The following SPRYD4 variants were observed in gnomAD, a reference collection of about 807,000 sequenced individuals.
SPRYD4 encodes SPRY domain containing 4, also known as SPRY domain-containing protein 4.
A neutral mutation model predicts 16.6 loss-of-function variants in SPRYD4; 12 were observed. The ratio of observed to expected loss-of-function variants is 0.72; its 90% confidence interval spans 0.46 to 1.17. The LOEUF (loss-of-function observed/expected upper bound fraction) is 1.17, where lower values mean the gene tolerates loss of function less well. SPRYD4 is among the 50% of genes most tolerant of loss of function. The pLI is 0.00. For missense variants in SPRYD4, 260 were observed against 260.2 expected, an observed-to-expected ratio of 1.00 and a Z score of 0.00; for synonymous variants, 98 against 105.4, an observed-to-expected ratio of 0.93 and a Z score of 0.43.
At position 56,472,184 on chromosome 12, in the gene SPRYD4, GAC is replaced by G; in HGVS notation, c.*2609_*2610del. On this transcript the variant is annotated 3_prime_UTR_variant, in exon 2 of 2. Coordinates refer to ENST00000338146, the MANE Select transcript of SPRYD4 (RefSeq NM_207344.4). The stretch of plus-strand genomic sequence containing the variant: ...GTCTTTCTGTTCCATATCCATGGCT[GAC>G]AAGGCAAACCTGAGGGTAGTGGGAA... 1 of 1,614,142 alleles carries G rather than the reference GAC, an allele frequency of 6.2e-7. No individual in the cohort carries two copies. The highest frequency in any genetic ancestry group is 1.3e-5 in the African/African-American group (1 of 75,046).
In SPRYD4 at chr12:56,474,092, C is replaced by CTTTT. The variant is rs67377312; in HGVS notation, c.*4519_*4522dup. 2.0e-5 allele frequency: 2 copies of CTTTT among 98,938 alleles called. No homozygotes were observed. Among genetic ancestry groups the CTTTT allele is most frequent in the Non-Finnish European group, 4.4e-5 (2 of 45,386 alleles). The allele number at this position is 98,938 out of a possible 1,614,324, so 6.1% of individuals were successfully genotyped here. On this transcript the variant is annotated 3_prime_UTR_variant, in exon 2 of 2. Transcript: ENST00000338146. Reference sequence around the variant, plus strand: ...AACACCTCTGGTTGTTTTTCTTTTTCTTTTTTTCTTTTTTTTTGAGATGGA... The same window carrying CTTTT: ...AACACCTCTGGTTGTTTTTCTTTTTCTTTTTTTTTTTCTTTTTTTTTGAGATGGA...
At position 56,473,768 on chromosome 12, in the gene SPRYD4, A is replaced by G. The variant is rs1156883461; in HGVS notation, c.*4191A>G. On this transcript the variant is annotated 3_prime_UTR_variant, in exon 2 of 2. Coordinates refer to ENST00000338146, the MANE Select transcript of SPRYD4 (RefSeq NM_207344.4). Reference sequence around the variant, plus strand: ...TACTCCTGTCCTTTCCTTCCCTTAAATTCATTGATTCAGCTAGAAAATATT... The same window carrying G: ...TACTCCTGTCCTTTCCTTCCCTTAAGTTCATTGATTCAGCTAGAAAATATT... 2.9e-6 allele frequency: 2 copies of G among 686,484 alleles called. No homozygotes were observed. Among genetic ancestry groups the G allele is most frequent in the East Asian group, 3.0e-5 (1 of 33,700 alleles). The allele number at this position is 686,484 out of a possible 1,614,324, so 42.5% of individuals were successfully genotyped here. A position where few individuals can be genotyped will look rare whatever the true frequency, so the allele number is the denominator to read the frequency against.
rs1009818212 is a variant in SPRYD4, at chr12:56,472,519, G to A, written c.*2942G>A. 6 of 635,418 alleles carry A rather than the reference G, an allele frequency of 9.4e-6. No individual in the cohort carries two copies. Among genetic ancestry groups the A allele is most frequent in the African/African-American group, 3.7e-5 (2 of 54,264 alleles). The allele number at this position is 635,418 out of a possible 1,614,324, so 39.4% of individuals were successfully genotyped here. On this transcript the variant is annotated 3_prime_UTR_variant, in exon 2 of 2. Transcript: ENST00000338146. ...AACATTAATTATCATAGAGCAGACAGTTTACTTTTTTTAAAAAAAATCTCC... is the reference window on the plus strand; with the variant it reads ...AACATTAATTATCATAGAGCAGACAATTTACTTTTTTTAAAAAAAATCTCC...
In SPRYD4 at chr12:56,477,636, T is replaced by A; in HGVS notation, c.*8059T>A. 3.7e-6 allele frequency: 6 copies of A among 1,606,520 alleles called. No individual in the cohort carries two copies. The highest frequency in any genetic ancestry group is 5.1e-6 in the Non-Finnish European group (6 of 1,175,114). On this transcript the variant is annotated 3_prime_UTR_variant, in exon 2 of 2. Coordinates refer to ENST00000338146, the MANE Select transcript of SPRYD4 (RefSeq NM_207344.4). Reference sequence around the variant, plus strand: ...ACAGGAGCTTAGAGGATAATACCTATCAGAAGGTTAAGGTGGCACTGACCT... The same window carrying A: ...ACAGGAGCTTAGAGGATAATACCTAACAGAAGGTTAAGGTGGCACTGACCT...
rs768421186 is a variant in SPRYD4 at position 56,468,628 on chromosome 12, C to A, written c.37C>A (p.Arg13Ser). The part of the protein sequence containing the change: ...LLFARSLRLC[R>S]WGAKRLGVAS... ...TTTTGCACGTTCTTTGCGCTTGTGC[C>A]GCTGGGGAGCCAAACGATTGGGAGT... Residue 13 changes from arginine (R) to serine (S), a missense_variant, in exon 1 of 2, where the codon CGC (arginine) becomes AGC (serine). By Grantham distance (110) the Arg-to-Ser change is moderately radical (BLOSUM62 -1). Transcript: ENST00000338146. 30 of 1,613,900 alleles carry A rather than the reference C, an allele frequency of 1.9e-5. No individual in the cohort carries two copies. Among genetic ancestry groups the A allele is most frequent in the Non-Finnish European group, 2.4e-5 (28 of 1,180,004 alleles).
chr12:56,469,175 G>A lies in SPRYD4; in HGVS notation c.222G>A (p.Trp74Ter). ...TGAATGTGGAGCGCTTCCGGGAGTG[G>A]GCAGTGGTGCTGGCAGACACAGCGG... ...VALNVERFRE[W>*]AVVLADTAVT... Residue 74 changes from tryptophan to a stop codon, truncating the protein, a stop_gained, in exon 2 of 2, where the codon TGG (tryptophan) becomes TGA (stop). Transcript: ENST00000338146. LOFTEE classifies it high-confidence loss of function. 1.9e-6 allele frequency: 3 copies of A among 1,614,174 alleles called. No individual in the cohort carries two copies. The highest frequency in any genetic ancestry group is 2.2e-5 in the South Asian group (2 of 91,082).
rs150308248 is a variant in SPRYD4, at chr12:56,472,365, C to T, written c.*2788C>T. On this transcript the variant is annotated 3_prime_UTR_variant, in exon 2 of 2. Transcript: ENST00000338146. ...TCCATATCCAGATGAGACTGTTATA[C>T]TCATATTAGAGAGATGGGAATGTGA... 3.2e-6 allele frequency: 2 copies of T among 629,088 alleles called. No individual in the cohort carries two copies. The highest frequency in any genetic ancestry group is 1.8e-5 in the African/African-American group (1 of 54,536). 39.0% of individuals were successfully genotyped at this position (629,088 alleles called of 1,614,324 possible).
chr12:56,471,252 C>T lies in SPRYD4; in HGVS notation c.*1675C>T. ...CAAGCCATTAGGCTGTACCTTGAAG[C>T]CCAGTCTCTCTGGATAGCTGTACTG... is the stretch of plus-strand genomic sequence containing the variant. On this transcript the variant is annotated 3_prime_UTR_variant, in exon 2 of 2. Transcript: ENST00000338146. The T allele has an allele frequency of 2.0e-6, 1 of 493,968 alleles. No individual in the cohort carries two copies. Among genetic ancestry groups the T allele is most frequent in the Non-Finnish European group, 3.5e-6 (1 of 282,920 alleles). 30.6% of individuals were successfully genotyped at this position (493,968 alleles called of 1,614,324 possible).
rs1170612729 is a variant in SPRYD4 at position 56,473,026 on chromosome 12, A to G, written c.*3449A>G. On this transcript the variant is annotated 3_prime_UTR_variant, in exon 2 of 2. Coordinates refer to ENST00000338146, the MANE Select transcript of SPRYD4 (RefSeq NM_207344.4). ...TGCCTCAGCCTCCCAAGTAGCTGGG[A>G]CCACAGGCGCGTGCCACCACGTCTG... 2 of 599,256 alleles carry G rather than the reference A, an allele frequency of 3.3e-6. No individual in the cohort carries two copies. Among genetic ancestry groups the G allele is most frequent in the Non-Finnish European group, 5.7e-6 (2 of 347,874 alleles). 37.1% of individuals were successfully genotyped at this position (599,256 alleles called of 1,614,324 possible). A position where few individuals can be genotyped will look rare whatever the true frequency, so the allele number is the denominator to read the frequency against.
At position 56,474,483 on chromosome 12, in the gene SPRYD4, C is replaced by A; in HGVS notation, c.*4906C>A. 1.9e-6 allele frequency: 3 copies of A among 1,585,290 alleles called. No individual in the cohort carries two copies. Among genetic ancestry groups the A allele is most frequent in the Non-Finnish European group, 2.6e-6 (3 of 1,160,816 alleles). On this transcript the variant is annotated 3_prime_UTR_variant, in exon 2 of 2. Transcript: ENST00000338146. Reference sequence around the variant, plus strand: ...GCTTCCACCTCTATCTTGAGAGAGTCAGTGTTCTCTCTTCTTAGCACTGGG... The same window carrying A: ...GCTTCCACCTCTATCTTGAGAGAGTAAGTGTTCTCTCTTCTTAGCACTGGG...
rs904557965 is a variant in SPRYD4, at chr12:56,472,463, A to G, written c.*2886A>G. 1.6e-6 allele frequency: 1 copy of G among 606,174 alleles called. No homozygotes were observed. Among genetic ancestry groups the G allele is most frequent in the African/African-American group, 1.8e-5 (1 of 54,120 alleles). 37.5% of individuals were successfully genotyped at this position (606,174 alleles called of 1,614,324 possible). On this transcript the variant is annotated 3_prime_UTR_variant, in exon 2 of 2. Transcript: ENST00000338146. ...TGAGGCAGGGTACCTACTTCCTAGGACACTGCTCTTAACACTCAATAACAA... is the reference window on the plus strand; with the variant it reads ...TGAGGCAGGGTACCTACTTCCTAGGGCACTGCTCTTAACACTCAATAACAA...
chr12:56,472,457 C>T lies in SPRYD4; in HGVS notation c.*2880C>T, dbSNP rs566994691. The T allele has an allele frequency of 7.1e-5, 43 of 605,788 alleles. No individual in the cohort carries two copies. The African/African-American group carries it at 7.6e-4, about 11-fold the overall frequency. 37.5% of individuals were successfully genotyped at this position (605,788 alleles called of 1,614,324 possible). A position where few individuals can be genotyped will look rare whatever the true frequency, so the allele number is the denominator to read the frequency against. ...CCCATTTGAGGCAGGGTACCTACTT[C>T]CTAGGACACTGCTCTTAACACTCAA... On this transcript the variant is annotated 3_prime_UTR_variant, in exon 2 of 2. Transcript: ENST00000338146.
In SPRYD4 at chr12:56,477,926, T is replaced by G; in HGVS notation, c.*8349T>G. The G allele has an allele frequency of 6.2e-7, 1 of 1,611,114 alleles. No homozygotes were observed. Among genetic ancestry groups the G allele is most frequent in the Non-Finnish European group, 8.5e-7 (1 of 1,178,272 alleles). On this transcript the variant is annotated 3_prime_UTR_variant, in exon 2 of 2. Coordinates refer to ENST00000338146, the MANE Select transcript of SPRYD4 (RefSeq NM_207344.4). ...GTAAGTACGGTCTGAGCCTTGGTAG[T>G]GCTCACCTTCCTCATTGAGGGAGAG...
Position 56,478,970 on chromosome 12 carries a change from C to G in SPRYD4, c.*9393C>G, listed in dbSNP as rs1188408092. On this transcript the variant is annotated 3_prime_UTR_variant, in exon 2 of 2. Coordinates refer to ENST00000338146, the MANE Select transcript of SPRYD4 (RefSeq NM_207344.4). ...TTGCACTCCAGCCCGGGTGACAGAG[C>G]AAAACTCTGTCTCAGGAAAAAAAAA... 1.3e-6 allele frequency: 2 copies of G among 1,493,070 alleles called. No homozygotes were observed. Among genetic ancestry groups the G allele is most frequent in the Non-Finnish European group, 1.8e-6 (2 of 1,127,122 alleles). The allele number at this position is 1,493,070 out of a possible 1,614,324, so 92.5% of individuals were successfully genotyped here. A position where few individuals can be genotyped will look rare whatever the true frequency, so the allele number is the denominator to read the frequency against.
At position 56,474,371 on chromosome 12, in the gene SPRYD4, G is replaced by A. The variant is rs1389772211; in HGVS notation, c.*4794G>A. ...CCCAAAGACATCTCTTTATATATTC[G>A]AGGAACTTGGTGTTTTTGAGAAACT... On this transcript the variant is annotated 3_prime_UTR_variant, in exon 2 of 2. Coordinates refer to ENST00000338146, the MANE Select transcript of SPRYD4 (RefSeq NM_207344.4). The A allele has an allele frequency of 2.0e-5, 15 of 745,808 alleles. No homozygotes were observed. Among genetic ancestry groups the A allele is most frequent in the Non-Finnish European group, 3.0e-5 (14 of 466,614 alleles). 46.2% of individuals were successfully genotyped at this position (745,808 alleles called of 1,614,324 possible). A position where few individuals can be genotyped will look rare whatever the true frequency, so the allele number is the denominator to read the frequency against.
rs962079076 is a variant in SPRYD4 at position 56,476,135 on chromosome 12, G to A, written c.*6558G>A. 24 of 652,472 alleles carry A rather than the reference G, an allele frequency of 3.7e-5. No individual in the cohort carries two copies. Among genetic ancestry groups the A allele is most frequent in the African/African-American group, 7.3e-5 (4 of 54,922 alleles). The allele number at this position is 652,472 out of a possible 1,614,324, so 40.4% of individuals were successfully genotyped here. On this transcript the variant is annotated 3_prime_UTR_variant, in exon 2 of 2. Coordinates refer to ENST00000338146, the MANE Select transcript of SPRYD4 (RefSeq NM_207344.4). ...CTTTTTTTATCCTTCTGAAAACACC[G>A]CACTTCCATTGGCTCCTCTCTTTCT... is the stretch of plus-strand genomic sequence containing the variant.
Position 56,472,866 on chromosome 12 carries a change from T to C in SPRYD4, c.*3289T>C. The C allele has an allele frequency of 1.2e-6, 1 of 800,538 alleles. No homozygotes were observed. The highest frequency in any genetic ancestry group is 1.6e-5 in the South Asian group (1 of 63,084). 49.6% of individuals were successfully genotyped at this position (800,538 alleles called of 1,614,324 possible). ...AGGGTATTGCTGAAGTGTTATGGAA[T>C]GTGCTACTCTGAAATATTCTTTTTT... On this transcript the variant is annotated 3_prime_UTR_variant, in exon 2 of 2. Coordinates refer to ENST00000338146, the MANE Select transcript of SPRYD4 (RefSeq NM_207344.4).
chr12:56,468,928 A>T, intron 1 of SPRYD4, 111 bp from the exon 2 acceptor site: 1 of 1,370,036 alleles, frequency 7.3e-7, no homozygotes, highest in Non-Finnish European at 9.8e-7. Flanking sequence ...TGGCATTCTG[A>T]CTCTTCCCTA....
Position 56,473,341 on chromosome 12 carries a change from TA to T in SPRYD4, c.*3765del, listed in dbSNP as rs1869484423. The T allele has an allele frequency of 6.2e-7, 1 of 1,613,348 alleles. No individual in the cohort carries two copies. Among genetic ancestry groups the T allele is most frequent in the Non-Finnish European group, 8.5e-7 (1 of 1,179,556 alleles). ...AACTTCTAGAATTGTAAGCCAAATA[TA>T]TTGTTTATTTACTCCTTACACTTAG... is the stretch of plus-strand genomic sequence containing the variant. On this transcript the variant is annotated 3_prime_UTR_variant, in exon 2 of 2. Transcript: ENST00000338146.
Sources: allele counts gnomAD v4.1 joint callset, GRCh38; gene constraint gnomAD v4.1.1; transcripts MANE v1.5; gene names NCBI Gene and HGNC (gene_info 2026-07-23, HGNC 2026-07-21).